The following PRDM16 variants were observed in gnomAD, a reference collection of about 807,000 sequenced individuals.
The protein encoded by PRDM16 is histone-lysine N-methyltransferase PRDM16.
Under a neutral mutation model 110.6 loss-of-function variants are expected in PRDM16, and 23 were observed. The observed-to-expected ratio is 0.21, with a 90% confidence interval of 0.15 to 0.29. The LOEUF (loss-of-function observed/expected upper bound fraction) is 0.29. PRDM16 is among the 10% of genes least tolerant of loss of function. The pLI is 1.00. For synonymous variants in PRDM16, 799 were observed against 781.8 expected, an observed-to-expected ratio of 1.02 and a Z score of -0.37; for missense variants, 1,615 against 1,794.3, an observed-to-expected ratio of 0.90 and a Z score of 1.81.
intron 9 of PRDM16, 103 bp downstream of exon 9, chr1:3,412,903 C>G: frequency 1.0e-6 from 1 of 990,976 alleles, no homozygotes; most frequent in Non-Finnish European, 1.4e-6. Context: ...CCTCCAAGGT[C>G]GTCCCCCGGC....
intron 3 of PRDM16, among the ~76,000 whole-genome samples, chr1:3,349,439 G>C (rs1642433949): frequency 6.6e-6 from 1 of 152,208 alleles, no homozygotes; most frequent in Non-Finnish European, 1.5e-5. Context: ...ATGGCGGGAA[G>C]CAGGGCTGTC....
intron 1 of PRDM16, among the ~76,000 whole-genome samples, chr1:3,142,128 G>A (rs1483083158): frequency 2.0e-5 from 3 of 152,214 alleles, no homozygotes; most frequent in Admixed American, 6.5e-5. Flanking sequence ...AGCCTCCATC[G>A]GCTCCCCCCG....
At chr1:3,108,113 C>T (rs537116485) in intron 1 of PRDM16, among the ~76,000 whole-genome samples, 133 of 152,318 alleles carry the variant, frequency 8.7e-4, no homozygotes, top group African/African-American at 3.1e-3. Flanking sequence ...GATGCAGCTG[C>T]AGCACACAGA....
chr1:3,180,424 T>C lies in PRDM16; in HGVS notation c.38-5701T>C, dbSNP rs111456225. Among the ~76,000 whole-genome samples the C allele has an allele frequency of 6.5e-3, 996 of 152,220 alleles. 11 individuals are homozygous for C. The highest frequency in any genetic ancestry group is 0.023 in the African/African-American group (948 of 41,554). On this transcript the variant is annotated intron_variant, in intron 1 of 16. Coordinates refer to ENST00000270722, the MANE Select transcript of PRDM16 (RefSeq NM_022114.4). The stretch of plus-strand genomic sequence containing the variant: ...GTGTGCAGTTGTAAGAAACGCCGCG[T>C]AGAGGCCAGCCTGCCCTTGGCGCAG...
intron 3 of PRDM16, among the ~76,000 whole-genome samples, chr1:3,256,229 C>T (rs902682393): frequency 1.3e-5 from 2 of 152,176 alleles, no homozygotes; most frequent in Non-Finnish European, 2.9e-5. Context: ...GACAAAGCAA[C>T]ACTGTAGAAG....
At chr1:3,169,410 G>A (rs1443159950) in intron 1 of PRDM16, among the ~76,000 whole-genome samples, 2 of 152,122 alleles carry the variant, frequency 1.3e-5, no homozygotes, top group Non-Finnish European at 2.9e-5. Flanking sequence ...AGGGCCGGGG[G>A]TTGGAAGATA....
rs1368762157 is a variant in PRDM16 at position 3,358,297 on chromosome 1, T to C, written c.439-26855T>C. On this transcript the variant is annotated intron_variant, in intron 3 of 16. Transcript: ENST00000270722. This position sits in a 1 kb window ranked among gnomAD's most constrained non-coding sequence, Gnocchi z 4.0. The stretch of plus-strand genomic sequence containing the variant: ...CAGCCTGCCTGCTGGGGAACCGTAG[T>C]TACGCAGGTCCTGAACTGGGTCTTC... Among the ~76,000 whole-genome samples the C allele has an allele frequency of 6.6e-6, 1 of 152,206 alleles. No homozygotes were observed. Among genetic ancestry groups the C allele is most frequent in the Non-Finnish European group, 1.5e-5 (1 of 68,028 alleles).
intron 1 of PRDM16, among the ~76,000 whole-genome samples, chr1:3,169,287 C>T (rs372436799): frequency 7.2e-5 from 11 of 152,266 alleles, no homozygotes; most frequent in East Asian, 5.8e-4. Context: ...CCCTTCCATC[C>T]GGCCCCCACC....
intron 8 of PRDM16, among the ~76,000 whole-genome samples, chr1:3,408,348 AAG>A (rs1444008795): frequency 2.6e-5 from 4 of 152,142 alleles, no homozygotes; most frequent in Non-Finnish European, 5.9e-5. Context: ...GCATGGGTGT[AAG>A]AGAAGGGGTG....
chr1:3,173,804 G>T (rs369840564), intron 1 of PRDM16, among the ~76,000 whole-genome samples: 1 of 152,212 alleles, frequency 6.6e-6, no homozygotes, highest in Non-Finnish European at 1.5e-5. Context: ...TCAGCAATGC[G>T]GTTCCTCTGG....
intron 1 of PRDM16, among the ~76,000 whole-genome samples, chr1:3,117,486 A>G (rs1642987524): frequency 6.6e-6 from 1 of 152,158 alleles, no homozygotes; most frequent in African/African-American, 2.4e-5. Flanking sequence ...GGAGTGGTCT[A>G]GAGCCTGGGG....
chr1:3,129,038 G>A (rs1392564411), intron 1 of PRDM16, among the ~76,000 whole-genome samples: 1 of 152,214 alleles, frequency 6.6e-6, no homozygotes, highest in African/African-American at 2.4e-5. Context: ...AAACCAGGAG[G>A]GAGTCTGGTG....
chr1:3,336,448 TG>T (rs1642152618), intron 3 of PRDM16, among the ~76,000 whole-genome samples: 1 of 150,970 alleles, frequency 6.6e-6, no homozygotes, highest in African/African-American at 2.4e-5. Context: ...ACATGTGTGT[TG>T]GAGTGAGCCT....
chr1:3,285,979 T>C (rs752917564), intron 3 of PRDM16, among the ~76,000 whole-genome samples: 3 of 152,116 alleles, frequency 2.0e-5, no homozygotes, highest in Non-Finnish European at 4.4e-5. Flanking sequence ...CAAAAGAACA[T>C]TTGACGAGCT....
rs577644536 is a variant in PRDM16 at position 3,080,098 on chromosome 1, C to T, written c.37+10802C>T. 1.2e-4 allele frequency among the ~76,000 whole-genome samples: 18 copies of T among 152,328 alleles called. No homozygotes were observed. Among genetic ancestry groups the T allele is most frequent in the Admixed American group, 6.5e-4 (10 of 15,304 alleles). Reference sequence around the variant, plus strand: ...TGGAGCACTTTTCCGCACGCTGTAACCCCTGAGAAGAAACAAAGAGGAAAC... The same window carrying T: ...TGGAGCACTTTTCCGCACGCTGTAATCCCTGAGAAGAAACAAAGAGGAAAC... On this transcript the variant is annotated intron_variant, in intron 1 of 16. Transcript: ENST00000270722. The surrounding 1 kb of genome is among the most constrained non-coding windows in gnomAD (Gnocchi z 5.2).
intron 2 of PRDM16, among the ~76,000 whole-genome samples, chr1:3,221,240 C>A (rs1639144195): frequency 6.6e-6 from 1 of 152,252 alleles, no homozygotes; most frequent in Admixed American, 6.5e-5. Context: ...GGGAAACAGT[C>A]TCTAGACTAA....
chr1:3,111,202 C>A (rs1326706301), intron 1 of PRDM16, among the ~76,000 whole-genome samples: 1 of 152,148 alleles, frequency 6.6e-6, no homozygotes, highest in Non-Finnish European at 1.5e-5. Context: ...CCTGTGCCCA[C>A]GTCACAGCCT....
At chr1:3,277,566 T>A (rs1640613371) in intron 3 of PRDM16, among the ~76,000 whole-genome samples, 2 of 152,236 alleles carry the variant, frequency 1.3e-5, no homozygotes, top group Admixed American at 6.5e-5. Flanking sequence ...TGGGTTTATG[T>A]TGTGAATCCG....
chr1:3,103,961 G>A (rs116325366), intron 1 of PRDM16, among the ~76,000 whole-genome samples: 2,381 of 152,296 alleles, frequency 0.016, 63 homozygotes, highest in African/African-American at 0.053. Flanking sequence ...GGAGTTAACG[G>A]TTCAAACCTA....
Sources: allele counts gnomAD v4.1 joint callset (sites outside exome capture counted in the v4.1 genomes callset), GRCh38; gene constraint gnomAD v4.1.1; non-coding constraint Gnocchi (gnomAD v3.1); transcripts MANE v1.5; gene names NCBI Gene and HGNC (gene_info 2026-07-23, HGNC 2026-07-21).